The following ATP10A variants were observed in gnomAD, a reference collection of about 807,000 sequenced individuals.
ATP10A encodes the protein ATPase phospholipid transporting 10A (putative).
A neutral mutation model predicts 147.8 loss-of-function variants in ATP10A; 111 were observed. The ratio of observed to expected loss-of-function variants is 0.75; its 90% CI spans 0.64 to 0.88. ATP10A has a LOEUF of 0.88. Ranked by LOEUF, ATP10A falls within the 40% of genes least tolerant of loss-of-function variation. The pLI is 0.00. For missense variants in ATP10A, 1,927 were observed against 1,959.0 expected (o/e 0.98, Z 0.31); for synonymous variants, 875 against 841.6 (o/e 1.04, Z -0.69).
chr15:25,706,590 A>T (rs1901035021), intron 12 of ATP10A, among the ~76,000 whole-genome samples: 1 of 152,210 alleles, frequency 6.6e-6, no homozygotes, highest in Non-Finnish European at 1.5e-5. Flanking sequence ...CTCTGAGAGC[A>T]GGGAAGATGG....
At chr15:25,759,066 G>A (rs1888609617) in intron 2 of ATP10A, among the ~76,000 whole-genome samples, 1 of 152,224 alleles carries the variant, frequency 6.6e-6, no homozygotes, top group Non-Finnish European at 1.5e-5. Context: ...CAGGGGCCAC[G>A]TGCGTCAGGG....
intron 1 of ATP10A, among the ~76,000 whole-genome samples, chr15:25,840,208 G>A (rs1399474716): frequency 6.6e-6 from 1 of 152,034 alleles, no homozygotes; most frequent in East Asian, 1.9e-4. Context: ...TTGTTACACA[G>A]GTAACAAACC....
intron 2 of ATP10A, among the ~76,000 whole-genome samples, chr15:25,740,191 T>C (rs1180560664): frequency 6.6e-6 from 1 of 152,254 alleles, no homozygotes; most frequent in Non-Finnish European, 1.5e-5. Context: ...GTCCTCCATC[T>C]TGAAACAGCA....
chr15:25,813,566 T>C (rs1212934618), intron 1 of ATP10A, among the ~76,000 whole-genome samples: 2 of 152,038 alleles, frequency 1.3e-5, no homozygotes, highest in African/African-American at 2.4e-5. Flanking sequence ...TAGAAAAAGA[T>C]CCAGGAATGG....
chr15:25,769,635 G>A (rs1387621533), intron 2 of ATP10A, among the ~76,000 whole-genome samples: 2 of 152,104 alleles, frequency 1.3e-5, no homozygotes, highest in African/African-American at 2.4e-5. Context: ...GTTTCTAGCT[G>A]TAGGTTCATC....
chr15:25,684,213 G>C (rs987972528), intron 16 of ATP10A, among the ~76,000 whole-genome samples: 1 of 152,192 alleles, frequency 6.6e-6, no homozygotes, highest in African/African-American at 2.4e-5. Context: ...ACTGGGGTGG[G>C]AGCAAGGTCA....
intron 1 of ATP10A, among the ~76,000 whole-genome samples, chr15:25,861,046 C>T (rs1893736689): frequency 6.6e-6 from 1 of 152,116 alleles, no homozygotes; most frequent in South Asian, 2.1e-4. Flanking sequence ...CCGCTCTTGT[C>T]CCTGCTCAGG....
chr15:25,684,494 G>A (rs117533570), intron 16 of ATP10A, among the ~76,000 whole-genome samples: 5 of 152,312 alleles, frequency 3.3e-5, no homozygotes, highest in African/African-American at 4.8e-5. Flanking sequence ...GATCGCCTAC[G>A]GTGTATGGTG....
chr15:25,694,674 T>C, intron 14 of ATP10A, 145 bp downstream of exon 14: 1 of 757,876 alleles, frequency 1.3e-6, no homozygotes, highest in East Asian at 2.7e-5. Flanking sequence ...TCGGAACATG[T>C]TGCCTGCTCT....
intron 2 of ATP10A, among the ~76,000 whole-genome samples, chr15:25,765,126 C>A (rs11161215): frequency 0.27 from 41,632 of 152,030 alleles, 6,058 homozygotes; most frequent in Admixed American, 0.36. Context: ...GGAGCACCAG[C>A]AGCCCTGTGG....
intron 1 of ATP10A, among the ~76,000 whole-genome samples, chr15:25,788,522 C>T (rs1369620818): frequency 3.9e-5 from 6 of 152,186 alleles, no homozygotes; most frequent in Non-Finnish European, 8.8e-5. Flanking sequence ...AGTGAGAGGC[C>T]GTGGCCACTA....
At chr15:25,708,395 T>C (rs1387998675) in intron 10 of ATP10A, 95 bp from the exon 11 acceptor site, 3 of 1,070,196 alleles carry the variant, frequency 2.8e-6, no homozygotes, top group Admixed American at 2.1e-5. Flanking sequence ...TGTTCGTTAC[T>C]TGCGAATAGA....
intron 2 of ATP10A, among the ~76,000 whole-genome samples, chr15:25,757,644 A>G (rs1380385342): frequency 6.6e-6 from 1 of 152,222 alleles, no homozygotes; most frequent in Non-Finnish European, 1.5e-5. Flanking sequence ...TTGGTAAAAA[A>G]TTAAAAAGTT....
intron 1 of ATP10A, among the ~76,000 whole-genome samples, chr15:25,825,020 GA>G (rs1385110363): frequency 6.6e-6 from 1 of 152,070 alleles, no homozygotes; most frequent in Non-Finnish European, 1.5e-5. Context: ...TTCACTCTGG[GA>G]AAAACAAAAC....
downstream of ATP10A, among the ~76,000 whole-genome samples, chr15:25,673,230 C>T (rs1478594219): frequency 6.6e-6 from 1 of 152,164 alleles, no homozygotes; most frequent in African/African-American, 2.4e-5. Flanking sequence ...GTAGCTCAGG[C>T]AAAACCTGCT....
At chr15:25,743,308 T>A (rs1887668889) in intron 2 of ATP10A, among the ~76,000 whole-genome samples, 1 of 152,186 alleles carries the variant, frequency 6.6e-6, no homozygotes, top group African/African-American at 2.4e-5. Flanking sequence ...CACAACCAGA[T>A]CTGCTCAGTC....
At chr15:25,701,791 C>T in intron 13 of ATP10A, 125 bp downstream of exon 13, 7 of 973,710 alleles carry the variant, frequency 7.2e-6, no homozygotes, top group South Asian at 1.7e-5. Flanking sequence ...ACATCCTAAA[C>T]CCGAATGCGG....
intron 14 of ATP10A, among the ~76,000 whole-genome samples, chr15:25,693,379 G>A (rs1900139722): frequency 6.6e-6 from 1 of 152,156 alleles, no homozygotes; most frequent in Admixed American, 6.5e-5. Context: ...ATTCCATTCT[G>A]TGTTTCCTTT....
chr15:25,701,677 C>A (rs1160346799), intron 13 of ATP10A, among the ~76,000 whole-genome samples: 3 of 152,158 alleles, frequency 2.0e-5, no homozygotes, highest in African/African-American at 7.2e-5. Context: ...GACAGTATGT[C>A]AGGAGAAACC....
Sources: gnomAD v4.1 joint callset for allele counts (sites outside exome capture counted in the v4.1 genomes callset) on GRCh38, gnomAD v4.1.1 for gene constraint, MANE v1.5 for transcripts, NCBI Gene and HGNC (gene_info 2026-07-23, HGNC 2026-07-21) for gene names.